CSMD2: variants seen among roughly 807,000 people sequenced by gnomAD.
The protein encoded by CSMD2 is CUB and sushi domain-containing protein 2.
In CSMD2, 130 loss-of-function variants were observed where a neutral mutation model predicts 398.5. That is an observed-to-expected ratio of 0.33 (90% confidence interval 0.28 to 0.38). The LOEUF is 0.38. CSMD2 is among the 10% of genes least tolerant of loss of function. The probability of loss-of-function intolerance (pLI) is 1.00; values close to 1 mark genes in which losing one functional copy is unlikely to be tolerated. For synonymous variants in CSMD2, 1,828 were observed against 1,908.5 expected (o/e 0.96, Z 1.10); for missense variants, 3,829 against 4,764.9 (o/e 0.80, Z 5.78).
chr1:33,670,006 G>C (rs1384709561), intron 25 of CSMD2, among the ~76,000 whole-genome samples: 2 of 152,150 alleles, frequency 1.3e-5, no homozygotes, highest in Non-Finnish European at 2.9e-5. Flanking sequence ...TGGACTTCTA[G>C]CCTCTAGAAC....
At chr1:33,914,421 T>C (rs1392217649) in intron 5 of CSMD2, among the ~76,000 whole-genome samples, 2 of 152,100 alleles carry the variant, frequency 1.3e-5, no homozygotes, top group East Asian at 1.9e-4. Flanking sequence ...TTTGTGTGTA[T>C]GTTGGGTGAG....
At chr1:34,126,649 T>C (rs1310391509) in intron 1 of CSMD2, among the ~76,000 whole-genome samples, 1 of 151,482 alleles carries the variant, frequency 6.6e-6, no homozygotes, top group African/African-American at 2.4e-5. Flanking sequence ...ACGAGGGAGA[T>C]GGGGAGGGCT....
intron 44 of CSMD2, among the ~76,000 whole-genome samples, chr1:33,594,257 G>A (rs562933062): frequency 6.6e-6 from 1 of 152,288 alleles, no homozygotes; most frequent in Admixed American, 6.5e-5. Flanking sequence ...CCCCGCTTGA[G>A]ATAGAGTGGC....
chr1:33,660,381 G>T (rs1243053883), intron 26 of CSMD2, among the ~76,000 whole-genome samples: 2 of 152,168 alleles, frequency 1.3e-5, no homozygotes, highest in African/African-American at 4.8e-5. Context: ...GAGCTGCTTG[G>T]CAAAGCACCC....
chr1:33,888,780 G>GTTGTTGTTGTTA (rs1428504730), intron 5 of CSMD2, among the ~76,000 whole-genome samples: 1 of 151,914 alleles, frequency 6.6e-6, no homozygotes. Flanking sequence ...TGTTGTTGTT[G>GTTGTTGTTGTTA]TTGTTGAGAT....
intron 12 of CSMD2, among the ~76,000 whole-genome samples, chr1:33,786,626 T>C (rs508927): frequency 0.33 from 50,921 of 152,084 alleles, 9,050 homozygotes; most frequent in African/African-American, 0.45. Flanking sequence ...CCTTGAGACC[T>C]AGGTTGTATT....
chr1:33,732,845 T>C (rs1646764470), intron 15 of CSMD2, among the ~76,000 whole-genome samples: 1 of 152,232 alleles, frequency 6.6e-6, no homozygotes, highest in Admixed American at 6.5e-5. Flanking sequence ...CTCTACAACA[T>C]GCCAGGCTCT....
intron 6 of CSMD2, among the ~76,000 whole-genome samples, chr1:33,841,309 C>T (rs1038091885): frequency 1.3e-5 from 2 of 152,188 alleles, no homozygotes; most frequent in African/African-American, 4.8e-5. Flanking sequence ...GCAAGGGTTT[C>T]ACCATTTAAC....
At chr1:33,651,873 T>C (rs1012189755) in intron 28 of CSMD2, among the ~76,000 whole-genome samples, 2 of 151,946 alleles carry the variant, frequency 1.3e-5, no homozygotes, top group African/African-American at 2.4e-5. Context: ...GGCAGTTCTT[T>C]TGAAGAGCTT....
At chr1:33,673,879 G>A (rs1365908033) in intron 25 of CSMD2, among the ~76,000 whole-genome samples, 1 of 152,206 alleles carries the variant, frequency 6.6e-6, no homozygotes, top group Admixed American at 6.5e-5. Flanking sequence ...AAGTGAAGGA[G>A]AAATGAAATC....
chr1:33,899,129 T>C lies in CSMD2; in HGVS notation c.920+18965A>G, dbSNP rs145298216. ...AAATGACACGGGCCATTTATCTGCA[T>C]TGACAGGGCTCTCTTGAAAGGGGAA... is the stretch of plus-strand genomic sequence containing the variant. On this transcript the variant is annotated intron_variant, in intron 5 of 70. Coordinates refer to ENST00000373381, the MANE Select transcript of CSMD2 (RefSeq NM_001281956.2). Among the ~76,000 whole-genome samples, 19 of 152,316 alleles carry C rather than the reference T, an allele frequency of 1.2e-4. No individual in the cohort carries two copies. The East Asian group carries it at 3.7e-3, about 29-fold the overall frequency.
intron 5 of CSMD2, among the ~76,000 whole-genome samples, chr1:33,869,505 AGTGGTTCTCAGCT>A (rs1202181029): frequency 6.6e-6 from 1 of 152,218 alleles, no homozygotes; most frequent in South Asian, 2.1e-4. Flanking sequence ...CCAAAAGGCC[AGTGGTTCTCAGCT>A]TTAAGCCTGT....
At chr1:33,751,155 A>G (rs1211845201) in intron 13 of CSMD2, among the ~76,000 whole-genome samples, 2 of 152,130 alleles carry the variant, frequency 1.3e-5, no homozygotes, top group Non-Finnish European at 2.9e-5. Context: ...GTGAAAAAAC[A>G]TATAATATTA....
At position 33,982,445 on chromosome 1, in the gene CSMD2, G is replaced by A. The variant is rs1646205158; in HGVS notation, c.518-46491C>T. On this transcript the variant is annotated intron_variant, in intron 3 of 70. Transcript: ENST00000373381. Reference sequence around the variant, plus strand: ...TGAGAAAGCCATTTAACCACACCGTGCTTCAGTTTCCTCATTAGCAAACTG... The same window carrying A: ...TGAGAAAGCCATTTAACCACACCGTACTTCAGTTTCCTCATTAGCAAACTG... Among the ~76,000 whole-genome samples the A allele has an allele frequency of 2.0e-5, 3 of 152,192 alleles. No individual in the cohort carries two copies. The South Asian group carries it at 6.2e-4, about 32-fold the overall frequency.
At chr1:33,703,262 T>C (rs1645669607) in intron 22 of CSMD2, among the ~76,000 whole-genome samples, 1 of 152,218 alleles carries the variant, frequency 6.6e-6, no homozygotes, top group South Asian at 2.1e-4. Flanking sequence ...CTGAGCTACA[T>C]TAAATGTATA....
chr1:33,714,816 G>C, intron 20 of CSMD2, 41 bp from the exon 21 acceptor site: 2 of 1,601,476 alleles, frequency 1.2e-6, no homozygotes, highest in Non-Finnish European at 1.7e-6. Flanking sequence ...AGACATTGCG[G>C]GGAGACACAA....
At chr1:33,798,921 G>C (rs548496577) in intron 10 of CSMD2, among the ~76,000 whole-genome samples, 27 of 152,208 alleles carry the variant, frequency 1.8e-4, no homozygotes, top group African/African-American at 5.8e-4. Context: ...GCCTGCAGAG[G>C]ATCTGCCAGC....
intron 13 of CSMD2, among the ~76,000 whole-genome samples, chr1:33,751,668 C>A (rs1472042572): frequency 6.6e-6 from 1 of 152,188 alleles, no homozygotes; most frequent in Non-Finnish European, 1.5e-5. Flanking sequence ...TGTTGCCAGG[C>A]TGGAGTGCAG....
At chr1:33,878,363 C>T (rs1324111127) in intron 5 of CSMD2, 1 of 152,308 alleles carries the variant, frequency 6.6e-6, no homozygotes, top group African/African-American at 2.4e-5. Context: ...GAGTGGGAGA[C>T]CCACATGTGG....
Sources: gnomAD v4.1 joint callset for allele counts (sites outside exome capture counted in the v4.1 genomes callset) on GRCh38, gnomAD v4.1.1 for gene constraint, MANE v1.5 for transcripts, NCBI Gene and HGNC (gene_info 2026-07-23, HGNC 2026-07-21) for gene names.